Variants in NAV2 observed in about 807,000 individuals in gnomAD.
NAV2 encodes the protein neuron navigator 2.
A neutral mutation model predicts 223.2 loss-of-function variants in NAV2; 54 were observed. The observed-to-expected ratio is 0.24, with a 90% confidence interval of 0.19 to 0.30. The LOEUF is 0.30. NAV2 is among the 10% of genes least tolerant of loss of function. The pLI is 1.00. For synonymous variants in NAV2, 1,279 were observed against 1,239.3 expected, an observed-to-expected ratio of 1.03 and a Z score of -0.67; for missense variants, 2,806 against 3,147.5, an observed-to-expected ratio of 0.89 and a Z score of 2.60.
At chr11:19,796,860 G>A (rs75102570) in intron 1 of NAV2, among the ~76,000 whole-genome samples, 6,227 of 152,166 alleles carry the variant, frequency 0.041, 367 homozygotes, top group East Asian at 0.13. Flanking sequence ...AGATTTGCAC[G>A]CTTTCTCTGA....
At position 19,607,260 on chromosome 11, in the gene NAV2, C is replaced by T. The variant is rs78575433; in HGVS notation, c.76-225224C>T. ...CTCAATCCTGACTTCTTTCTCAGATCTTCCACTGTCTGCCTTTGAAACGGG... is the reference window on the plus strand; with the variant it reads ...CTCAATCCTGACTTCTTTCTCAGATTTTCCACTGTCTGCCTTTGAAACGGG... On this transcript the variant is annotated intron_variant, in intron 1 of 37. Transcript: ENST00000360655. 4.1e-3 allele frequency among the ~76,000 whole-genome samples: 627 copies of T among 152,330 alleles called. 2 individuals carry two copies. Among genetic ancestry groups the T allele is most frequent in the African/African-American group, 0.014 (597 of 41,582 alleles).
intron 1 of NAV2, among the ~76,000 whole-genome samples, chr11:19,583,247 A>C (rs2045781316): frequency 6.6e-6 from 1 of 152,188 alleles, no homozygotes; most frequent in African/African-American, 2.4e-5. Context: ...GACTTTGCTG[A>C]AGTTGCTTAT....
chr11:19,975,481 C>T (rs1000107555), intron 10 of NAV2, among the ~76,000 whole-genome samples: 10 of 152,220 alleles, frequency 6.6e-5, no homozygotes, highest in Middle Eastern at 3.4e-3. Flanking sequence ...AACCAAAATG[C>T]TCTGGAAATT....
At chr11:19,462,261 A>G (rs1035093602) in intron 1 of NAV2, among the ~76,000 whole-genome samples, 7 of 152,238 alleles carry the variant, frequency 4.6e-5, no homozygotes, top group Non-Finnish European at 1.0e-4. Flanking sequence ...TTCTGATTCA[A>G]TAGGTCTGGG....
chr11:19,362,488 G>T (rs918278855), intron 1 of NAV2, among the ~76,000 whole-genome samples: 1 of 152,084 alleles, frequency 6.6e-6, no homozygotes, highest in Non-Finnish European at 1.5e-5. Flanking sequence ...TTTTTTAAAA[G>T]TTCGTCAATG....
intron 4 of NAV2, among the ~76,000 whole-genome samples, chr11:19,873,267 T>C (rs989626895): frequency 6.6e-6 from 1 of 152,146 alleles, no homozygotes; most frequent in African/African-American, 2.4e-5. Flanking sequence ...AAGACAGAGC[T>C]GTGTTAGTGG....
At chr11:19,636,840 A>G (rs1356853691) in intron 1 of NAV2, among the ~76,000 whole-genome samples, 2 of 152,172 alleles carry the variant, frequency 1.3e-5, no homozygotes, top group East Asian at 3.9e-4. Context: ...CACACCTTTC[A>G]GGTTGATATA....
At chr11:19,920,610 A>G (rs2153228699) in intron 6 of NAV2, among the ~76,000 whole-genome samples, 1 of 152,312 alleles carries the variant, frequency 6.6e-6, no homozygotes, top group African/African-American at 2.4e-5. Flanking sequence ...TAAAGCACTT[A>G]GTACAGTGCC....
chr11:20,096,973 C>T (rs963953647), intron 30 of NAV2, among the ~76,000 whole-genome samples: 3 of 152,238 alleles, frequency 2.0e-5, no homozygotes, highest in Admixed American at 1.3e-4. Context: ...AAGCCTGTTA[C>T]TGGGATTCCA....
chr11:20,107,468 G>GGGA, intron 35 of NAV2, 196 bp from the exon 36 acceptor site: 1 of 596,194 alleles, frequency 1.7e-6, no homozygotes, highest in South Asian at 2.3e-5. Context: ...GAGACCCCCA[G>GGGA]GTGGAATCAG....
rs60712281 is a variant in NAV2 at position 19,414,011 on chromosome 11, C to T, written c.75+62984C>T. ...TGACACTATGAAGAAACTGCATCAACTAACAGGCAAAATAACCAGCTAGCA... is the reference window on the plus strand; with the variant it reads ...TGACACTATGAAGAAACTGCATCAATTAACAGGCAAAATAACCAGCTAGCA... On this transcript the variant is annotated intron_variant, in intron 1 of 37. Transcript: ENST00000360655. Among the ~76,000 whole-genome samples the T allele has an allele frequency of 3.9e-3, 598 of 152,314 alleles. 6 individuals are homozygous for T. Among genetic ancestry groups the T allele is most frequent in the African/African-American group, 0.014 (562 of 41,572 alleles).
At chr11:19,528,235 G>T (rs117366859) in intron 1 of NAV2, among the ~76,000 whole-genome samples, 1 of 152,264 alleles carries the variant, frequency 6.6e-6, no homozygotes, top group Non-Finnish European at 1.5e-5. Context: ...AAAAGGAGGT[G>T]GTTTGAGGAA....
At chr11:19,944,830 G>T (rs186461560) in intron 8 of NAV2, among the ~76,000 whole-genome samples, 2 of 138,072 alleles carry the variant, frequency 1.4e-5, no homozygotes, top group South Asian at 4.8e-4. Context: ...TTGCTTGCTT[G>T]CTTTCTTGCC....
chr11:19,645,058 A>G (rs1187723030), intron 1 of NAV2, among the ~76,000 whole-genome samples: 3 of 152,248 alleles, frequency 2.0e-5, no homozygotes, highest in Admixed American at 2.0e-4. Flanking sequence ...ACGCAAGCCT[A>G]TTCTCTTACA....
chr11:19,479,238 G>A (rs1293527836), intron 1 of NAV2, among the ~76,000 whole-genome samples: 2 of 152,122 alleles, frequency 1.3e-5, no homozygotes, highest in Non-Finnish European at 2.9e-5. Context: ...TCCACAAGGG[G>A]CTTTGCCACC....
At chr11:19,932,741 T>A (rs2045495318) in intron 6 of NAV2, among the ~76,000 whole-genome samples, 1 of 152,232 alleles carries the variant, frequency 6.6e-6, no homozygotes, top group Admixed American at 6.5e-5. Context: ...CTTTTCTATT[T>A]TTGTAATTGT....
At position 20,120,886 on chromosome 11, in the gene NAV2, C is replaced by CT. The variant is rs1229554629; in HGVS notation, c.*2630dup. The stretch of plus-strand genomic sequence containing the variant: ...CTCATTTAGGGCTCTATCGGAAATG[C>CT]TTCCATTTTGCCTTTTCTACAGTTA... On this transcript the variant is annotated 3_prime_UTR_variant, in exon 38 of 38. Transcript: ENST00000349880. The CT allele has an allele frequency of 6.6e-6, 1 of 152,648 alleles. No homozygotes were observed. Among genetic ancestry groups the CT allele is most frequent in the East Asian group, 1.9e-4 (1 of 5,194 alleles). 9.5% of individuals were successfully genotyped at this position (152,648 alleles called of 1,614,324 possible). A position where few individuals can be genotyped will look rare whatever the true frequency, so the allele number is the denominator to read the frequency against.
chr11:19,382,373 C>G (rs929343902), intron 1 of NAV2, among the ~76,000 whole-genome samples: 4 of 152,148 alleles, frequency 2.6e-5, no homozygotes, highest in Non-Finnish European at 5.9e-5. Context: ...CAGTGACCTT[C>G]GACAGCAGCA....
Position 19,686,393 on chromosome 11 carries a change from G to A in NAV2, c.76-146091G>A, listed in dbSNP as rs144336168. Reference sequence around the variant, plus strand: ...AACACTGGGCCTGACCACAAAGCAGGTACTCTGTGTTTACTAAACAAGAGT... The same window carrying A: ...AACACTGGGCCTGACCACAAAGCAGATACTCTGTGTTTACTAAACAAGAGT... On this transcript the variant is annotated intron_variant, in intron 1 of 37. Transcript: ENST00000360655. Among the ~76,000 whole-genome samples the A allele has an allele frequency of 2.4e-3, 368 of 152,238 alleles. 1 individual carries two copies. Among genetic ancestry groups the A allele is most frequent in the Non-Finnish European group, 4.2e-3 (284 of 68,026 alleles).
Sources: allele counts gnomAD v4.1 joint callset (sites outside exome capture counted in the v4.1 genomes callset), GRCh38; gene constraint gnomAD v4.1.1; transcripts MANE v1.5; gene names NCBI Gene and HGNC (gene_info 2026-07-23, HGNC 2026-07-21).